The following ZNF468 variants were observed in gnomAD, a reference collection of about 807,000 sequenced individuals.
ZNF468 encodes zinc finger protein ZNF468.
ZNF468 carries 8 observed loss-of-function variants against 7.2 expected under a neutral mutation model. The ratio of observed to expected loss-of-function variants is 1.11; its 90% CI spans 0.65 to 2.01. The LOEUF is 2.01. Ranked by LOEUF, ZNF468 falls within the 30% of genes most tolerant of loss-of-function variation. The probability of loss-of-function intolerance (pLI) is 0.00; values close to 1 mark genes in which losing one functional copy is unlikely to be tolerated. For missense variants in ZNF468, 608 were observed against 626.5 expected (o/e 0.97, Z 0.31); for synonymous variants, 218 against 214.4 (o/e 1.02, Z -0.15).
chr19:52,840,544 C>T lies in ZNF468; in HGVS notation c.*181G>A. The T allele has an allele frequency of 1.6e-6, 2 of 1,255,200 alleles. No individual in the cohort carries two copies. Among genetic ancestry groups the T allele is most frequent in the South Asian group, 2.5e-5 (2 of 79,032 alleles). 77.8% of individuals were successfully genotyped at this position (1,255,200 alleles called of 1,614,324 possible). On this transcript the variant is annotated 3_prime_UTR_variant, in exon 4 of 4. Transcript: ENST00000595646. ...GATTTACAACTGAAAACTTTTGTCA[C>T]ATTCCTCCCATTTGTAAGGTTTCTC...
At chr19:52,856,217 T>C (rs917897727) in intron 1 of ZNF468, among the ~76,000 whole-genome samples, 3 of 151,198 alleles carry the variant, frequency 2.0e-5, no homozygotes, top group Non-Finnish European at 2.9e-5. Flanking sequence ...AGCAAATTAT[T>C]TCAATCAAGA....
In ZNF468 at chr19:52,857,272, G is replaced by A. The variant is rs569633358; in HGVS notation, c.-74+300C>T. Among the ~76,000 whole-genome samples, 8 of 152,314 alleles carry A rather than the reference G, an allele frequency of 5.3e-5. 1 individual carries two copies. The South Asian group carries it at 1.7e-3, about 32-fold the overall frequency. ...CACAGGGTGGGAATACACCTCTAGG[G>A]TGAGGACTTTAAAAAGAGCCGTGCG... On this transcript the variant is annotated intron_variant, in intron 1 of 3. Coordinates refer to ENST00000595646, the MANE Select transcript of ZNF468 (RefSeq NM_001008801.2).
In ZNF468 at chr19:52,841,092, T is replaced by G. The variant is rs570708838; in HGVS notation, c.1202A>C (p.His401Pro). Residue 401 changes from histidine (H) to proline (P), a missense_variant, in exon 4 of 4, where the codon CAT becomes CCT. Coordinates refer to ENST00000595646, the MANE Select transcript of ZNF468 (RefSeq NM_001008801.2). ...TTTCTCTCCACTATGAATCCTCCTATGTCTTTCAAGGTGTGATTTGCGACT... is the reference window on the plus strand; with the variant it reads ...TTTCTCTCCACTATGAATCCTCCTAGGTCTTTCAAGGTGTGATTTGCGACT... ...VFSRKSHLER[H>P]RRIHSGEKPY... is the part of the protein sequence containing the mutation. 3.1e-6 allele frequency: 5 copies of G among 1,613,946 alleles called. No homozygotes were observed. In the East Asian group the frequency reaches 1.1e-4, roughly 36 times the overall value.
At chr19:52,842,688 C>T (rs2063314098) in intron 3 of ZNF468, among the ~76,000 whole-genome samples, 1 of 151,656 alleles carries the variant, frequency 6.6e-6, no homozygotes, top group Non-Finnish European at 1.5e-5. Flanking sequence ...TGGTGGCCAG[C>T]ACCTGTACTC....
At chr19:52,844,311 T>C (rs2063327075) in intron 3 of ZNF468, among the ~76,000 whole-genome samples, 1 of 151,708 alleles carries the variant, frequency 6.6e-6, no homozygotes, top group South Asian at 2.1e-4. Flanking sequence ...TTCCACCGTA[T>C]TAGGACACAG....
intron 2 of ZNF468, 119 bp downstream of exon 2, chr19:52,854,139 A>G: frequency 6.3e-7 from 1 of 1,595,704 alleles, no homozygotes. Flanking sequence ...GAAGGAAGGC[A>G]TAAGTGAGGG....
At position 52,853,986 on chromosome 19, in the gene ZNF468, G is replaced by C. The variant is rs10425068; in HGVS notation, c.15+272C>G. 5,293 of 1,469,542 alleles carry C rather than the reference G, an allele frequency of 3.6e-3. 188 individuals are homozygous for C. In the African/African-American group the frequency reaches 0.066, roughly 18 times the overall value. The allele number at this position is 1,469,542 out of a possible 1,614,324, so 91.0% of individuals were successfully genotyped here. ...CCCCTGAACAATCCCTGCTGCCCAA[G>C]AGCACTGACACCACAGGACCCTCAC... On this transcript the variant is annotated intron_variant, in intron 2 of 3. Coordinates refer to ENST00000595646, the MANE Select transcript of ZNF468 (RefSeq NM_001008801.2).
intron 3 of ZNF468, among the ~76,000 whole-genome samples, chr19:52,847,299 C>T (rs1568679052): frequency 6.6e-6 from 1 of 151,816 alleles, no homozygotes; most frequent in Admixed American, 6.6e-5. Flanking sequence ...TGGTAAAAGT[C>T]ATGCCATTCT....
intron 2 of ZNF468, chr19:52,849,445 C>T: frequency 1.2e-6 from 1 of 857,366 alleles, no homozygotes; most frequent in African/African-American, 1.7e-5. Flanking sequence ...TGAAAAATAA[C>T]AGAAATAAAC....
Position 52,841,270 on chromosome 19 carries a change from G to T in ZNF468, c.1024C>A (p.Leu342Met). The part of the protein sequence containing the change: ...CDEAFAYNSY[L>M]AKHTILHTGE... The stretch of plus-strand genomic sequence containing the variant: ...GTGTGAAGTATAGTATGTTTTGCCA[G>T]ATATGAATTATATGCGAAAGCCTCA... Residue 342 changes from leucine to methionine, a missense_variant, in exon 4 of 4, where the codon CTG (leucine) becomes ATG (methionine). Physicochemically the swap from Leu to Met is conservative, Grantham distance 15. Transcript: ENST00000595646. The T allele has an allele frequency of 6.2e-7, 1 of 1,613,650 alleles. No individual in the cohort carries two copies. Among genetic ancestry groups the T allele is most frequent in the Non-Finnish European group, 8.5e-7 (1 of 1,179,946 alleles).
chr19:52,842,889 C>T (rs145580921), intron 3 of ZNF468, among the ~76,000 whole-genome samples: 30 of 148,154 alleles, frequency 2.0e-4, no homozygotes, highest in African/African-American at 5.2e-4. Context: ...CTCCGGAGGC[C>T]GAGGAAGGTG....
Position 52,841,519 on chromosome 19 carries a change from C to T in ZNF468, c.775G>A (p.Ala259Thr), listed in dbSNP as rs368987975. The T allele has an allele frequency of 6.2e-7, 1 of 1,614,076 alleles. No individual in the cohort carries two copies. The highest frequency in any genetic ancestry group is 1.7e-5 in the Admixed American group (1 of 60,004). Reference sequence around the variant, plus strand: ...CCAGTGTGACATCTACGATGGCAGGCAAGGTATCGCTTCTGATTAAAGACC... The same window carrying T: ...CCAGTGTGACATCTACGATGGCAGGTAAGGTATCGCTTCTGATTAAAGACC... ...GKVFNQKRYL[A>T]CHRRCHTGEK... Residue 259 changes from alanine (A) to threonine (T), a missense_variant, in exon 4 of 4, where the codon GCC (alanine) becomes ACC (threonine). Transcript: ENST00000595646.
At chr19:52,846,006 A>C (rs528052247) in intron 3 of ZNF468, among the ~76,000 whole-genome samples, 3 of 152,158 alleles carry the variant, frequency 2.0e-5, no homozygotes, top group Non-Finnish European at 4.4e-5. Flanking sequence ...TCTATCTCAT[A>C]AATACATAAG....
In ZNF468 at chr19:52,854,312, T is replaced by C. The variant is rs753232244; in HGVS notation, c.-40A>G. ...CTTTCCTCTTCCTCTTCTGGGTTTCTTTCTCACGTACCAACAGTCTTTAGA... is the reference window on the plus strand; with the variant it reads ...CTTTCCTCTTCCTCTTCTGGGTTTCCTTCTCACGTACCAACAGTCTTTAGA... On this transcript the variant is annotated 5_prime_UTR_variant, in exon 2 of 4. Transcript: ENST00000595646. 94 of 1,613,362 alleles carry C rather than the reference T, an allele frequency of 5.8e-5. No individual in the cohort carries two copies. Among genetic ancestry groups the C allele is most frequent in the Non-Finnish European group, 6.8e-5 (80 of 1,179,634 alleles).
Position 52,839,795 on chromosome 19 carries a change from C to A in ZNF468, c.*930G>T. 1 of 499,104 alleles carries A rather than the reference C, an allele frequency of 2.0e-6. No individual in the cohort carries two copies. The highest frequency in any genetic ancestry group is 1.6e-5 in the South Asian group (1 of 63,002). The allele number at this position is 499,104 out of a possible 1,614,324, so 30.9% of individuals were successfully genotyped here. A position where few individuals can be genotyped will look rare whatever the true frequency, so the allele number is the denominator to read the frequency against. ...CTCAATCATGACATTTATAAGGTTT[C>A]TCTCCAGCATGAGTTCACCAGTGAA... On this transcript the variant is annotated 3_prime_UTR_variant, in exon 4 of 4. Coordinates refer to ENST00000595646, the MANE Select transcript of ZNF468 (RefSeq NM_001008801.2).
rs748980876 is a variant in ZNF468, at chr19:52,841,858, A to G, written c.436T>C (p.Leu146=). 2.5e-6 allele frequency: 4 copies of G among 1,613,998 alleles called. No homozygotes were observed. The African/African-American group carries it at 5.3e-5, about 22-fold the overall frequency. The change falls in exon 4 of 4, where the codon TTG becomes CTG. Residue 146 remains leucine (L), a synonymous_variant. Coordinates refer to ENST00000595646, the MANE Select transcript of ZNF468 (RefSeq NM_001008801.2). ...IKDQLGSSFH[L]HLPEPHIFQS... ...AATATGTGCGGTTCAGGCAGATGCA[A>G]ATGAAAGCTTGATCCAAGCTGATCT...
At chr19:52,848,279 G>A (rs1249383247) in intron 3 of ZNF468, among the ~76,000 whole-genome samples, 1 of 152,082 alleles carries the variant, frequency 6.6e-6, no homozygotes, top group Non-Finnish European at 1.5e-5. Flanking sequence ...GAGATAACAG[G>A]TCAGAAAGAG....
chr19:52,855,093 G>A (rs965165668), intron 1 of ZNF468, among the ~76,000 whole-genome samples: 115 of 151,984 alleles, frequency 7.6e-4, no homozygotes, highest in Admixed American at 1.3e-4. Flanking sequence ...CACAAGAATT[G>A]CTTGAACCCA....
chr19:52,852,381 T>G (rs1268090417), intron 2 of ZNF468, among the ~76,000 whole-genome samples: 1 of 148,480 alleles, frequency 6.7e-6, no homozygotes, highest in Non-Finnish European at 1.5e-5. Context: ...AAATAAATTT[T>G]TACAAAAATA....
Sources: gnomAD v4.1 joint callset for allele counts (sites outside exome capture counted in the v4.1 genomes callset) on GRCh38, gnomAD v4.1.1 for gene constraint, MANE v1.5 for transcripts, NCBI Gene and HGNC (gene_info 2026-07-23, HGNC 2026-07-21) for gene names.